Variants in WWOX observed in about 807,000 individuals in gnomAD.
WWOX encodes the protein WW domain-containing oxidoreductase.
A neutral mutation model predicts 46.2 loss-of-function variants in WWOX; 69 were observed. That is an observed-to-expected ratio of 1.49 (90% confidence interval 1.23 to 1.82). The LOEUF (loss-of-function observed/expected upper bound fraction) is 1.82. WWOX is among the 40% of genes most tolerant of loss of function. The probability of loss-of-function intolerance (pLI) is 0.00; values close to 1 mark genes in which losing one functional copy is unlikely to be tolerated. For synonymous variants in WWOX, 359 were observed against 202.6 expected, an observed-to-expected ratio of 1.77 and a Z score of -6.56; for missense variants, 919 against 542.6, an observed-to-expected ratio of 1.69 and a Z score of -6.89.
chr16:78,511,530 C>T (rs1450687900), intron 8 of WWOX, among the ~76,000 whole-genome samples: 2 of 152,130 alleles, frequency 1.3e-5, no homozygotes, highest in Non-Finnish European at 2.9e-5. Context: ...ATGCCCAGGC[C>T]CTTTGAACAA....
chr16:78,516,768 ATAAT>A (rs1401318075), intron 8 of WWOX, among the ~76,000 whole-genome samples: 3 of 152,220 alleles, frequency 2.0e-5, no homozygotes, highest in Admixed American at 1.3e-4. Context: ...TTCCATTTAA[ATAAT>A]TCAAAAATCC....
intron 8 of WWOX, among the ~76,000 whole-genome samples, chr16:79,128,068 G>C (rs1040584648): frequency 6.6e-6 from 1 of 152,084 alleles, no homozygotes; most frequent in Non-Finnish European, 1.5e-5. Flanking sequence ...CTGATGATTT[G>C]GTTACCCCCT....
chr16:79,008,961 G>C (rs1033796513), intron 8 of WWOX, among the ~76,000 whole-genome samples: 1 of 152,226 alleles, frequency 6.6e-6, no homozygotes, highest in Non-Finnish European at 1.5e-5. Flanking sequence ...GCCAGGTATT[G>C]AGTCAGCTCT....
At chr16:78,369,299 A>G (rs2081609726) in intron 5 of WWOX, among the ~76,000 whole-genome samples, 1 of 152,044 alleles carries the variant, frequency 6.6e-6, no homozygotes, top group South Asian at 2.1e-4. Flanking sequence ...AAACTCACAT[A>G]TTTCATACTC....
At chr16:78,350,011 G>A (rs747271621) in intron 5 of WWOX, among the ~76,000 whole-genome samples, 1 of 120,968 alleles carries the variant, frequency 8.3e-6, no homozygotes, top group Non-Finnish European at 2.0e-5. Context: ...AAATAACATC[G>A]TACTGTGTAT....
At chr16:78,300,838 G>A (rs1169398008) in intron 5 of WWOX, among the ~76,000 whole-genome samples, 1 of 152,118 alleles carries the variant, frequency 6.6e-6, no homozygotes, top group Non-Finnish European at 1.5e-5. Context: ...CTTGTAGGTT[G>A]TCAGTGTCTC....
intron 5 of WWOX, among the ~76,000 whole-genome samples, chr16:78,371,130 T>G (rs1280841302): frequency 6.6e-6 from 1 of 152,098 alleles, no homozygotes; most frequent in East Asian, 1.9e-4. Flanking sequence ...ACCTAGGTAA[T>G]TTTACTTAAG....
chr16:78,813,272 TC>T (rs1015789932), intron 8 of WWOX, among the ~76,000 whole-genome samples: 5 of 152,146 alleles, frequency 3.3e-5, no homozygotes, highest in Non-Finnish European at 5.9e-5. Flanking sequence ...TAATTTTTTT[TC>T]CCCTTAATTT....
intron 8 of WWOX, among the ~76,000 whole-genome samples, chr16:78,983,566 C>A (rs1181534886): frequency 1.3e-5 from 2 of 152,146 alleles, no homozygotes; most frequent in African/African-American, 4.8e-5. Flanking sequence ...AATGTTCAGC[C>A]TGTCTCCCTT....
chr16:78,428,990 G>A (rs2083153381), intron 7 of WWOX, among the ~76,000 whole-genome samples: 2 of 152,274 alleles, frequency 1.3e-5, no homozygotes, highest in South Asian at 4.2e-4. Flanking sequence ...TCTCATCATG[G>A]GATTTGTGTT....
chr16:79,022,047 T>G (rs188701217), intron 8 of WWOX, among the ~76,000 whole-genome samples: 20 of 152,292 alleles, frequency 1.3e-4, no homozygotes, highest in African/African-American at 4.8e-4. Context: ...AGGAGAGGGT[T>G]AGGCAAAGAC....
intron 8 of WWOX, among the ~76,000 whole-genome samples, chr16:78,515,973 C>G (rs939710631): frequency 6.6e-6 from 1 of 152,142 alleles, no homozygotes; most frequent in African/African-American, 2.4e-5. Flanking sequence ...ATCAGTCTCT[C>G]TCCTTCCATC....
At chr16:78,729,805 C>T (rs1468547569) in intron 8 of WWOX, among the ~76,000 whole-genome samples, 1 of 152,140 alleles carries the variant, frequency 6.6e-6, no homozygotes, top group Admixed American at 6.5e-5. Flanking sequence ...AGGATTTGAA[C>T]CTACAGTTTT....
chr16:78,735,775 C>T (rs996195771), intron 8 of WWOX, among the ~76,000 whole-genome samples: 1 of 152,020 alleles, frequency 6.6e-6, no homozygotes, highest in African/African-American at 2.4e-5. Flanking sequence ...CTGAAGGCCC[C>T]TGCCCCCTGC....
intron 5 of WWOX, among the ~76,000 whole-genome samples, chr16:78,242,625 C>T (rs986725086): frequency 9.2e-5 from 14 of 152,148 alleles, no homozygotes; most frequent in African/African-American, 2.7e-4. Flanking sequence ...GGGTGACCTC[C>T]TGAGTCCCCT....
In WWOX at chr16:78,837,340, C is replaced by G. The variant is rs149776956; in HGVS notation, c.1057-374268C>G. Among the ~76,000 whole-genome samples the G allele has an allele frequency of 7.9e-5, 12 of 152,270 alleles. No homozygotes were observed. The East Asian group carries it at 2.1e-3, about 27-fold the overall frequency. On this transcript the variant is annotated intron_variant, in intron 8 of 8. Transcript: ENST00000566780. ...GAACGAGGCAGTGACTCCTTTATTC[C>G]CTAACCCTCACCCAGCAACTTGCTT... is the stretch of plus-strand genomic sequence containing the variant.
At chr16:79,183,776 A>G (rs2050958811) in intron 8 of WWOX, among the ~76,000 whole-genome samples, 1 of 152,208 alleles carries the variant, frequency 6.6e-6, no homozygotes, top group Non-Finnish European at 1.5e-5. Context: ...AAGTTAAATC[A>G]TCTGCCCTAG....
At chr16:78,666,455 T>C (rs956748707) in intron 8 of WWOX, among the ~76,000 whole-genome samples, 4 of 152,212 alleles carry the variant, frequency 2.6e-5, no homozygotes, top group African/African-American at 7.2e-5. Context: ...GCTTACAGCC[T>C]ATTTTTACAA....
chr16:78,390,187 A>G (rs182004259), intron 6 of WWOX, among the ~76,000 whole-genome samples: 13 of 152,306 alleles, frequency 8.5e-5, no homozygotes, highest in African/African-American at 1.2e-4. Context: ...AGATCTCACA[A>G]TTCACTGCCG....
Sources: gnomAD v4.1 joint callset for allele counts (sites outside exome capture counted in the v4.1 genomes callset) on GRCh38, gnomAD v4.1.1 for gene constraint, MANE v1.5 for transcripts, NCBI Gene and HGNC (gene_info 2026-07-23, HGNC 2026-07-21) for gene names.